The following GALNTL6 variants were observed in gnomAD, a reference collection of about 807,000 sequenced individuals.
GALNTL6 encodes polypeptide N-acetylgalactosaminyltransferase like 6, also known as polypeptide N-acetylgalactosaminyltransferase-like 6.
GALNTL6 carries 46 observed loss-of-function variants against 73.7 expected under a neutral mutation model. The ratio of observed to expected loss-of-function variants is 0.62; its 90% CI spans 0.49 to 0.80. The LOEUF (loss-of-function observed/expected upper bound fraction) is 0.80. Ranked by LOEUF, GALNTL6 falls within the 30% of genes least tolerant of loss-of-function variation. The probability of loss-of-function intolerance (pLI) is 0.00; values close to 1 mark genes in which losing one functional copy is unlikely to be tolerated. For missense variants in GALNTL6, 604 were observed against 755.0 expected, an observed-to-expected ratio of 0.80 and a Z score of 2.34; for synonymous variants, 259 against 263.7, an observed-to-expected ratio of 0.98 and a Z score of 0.17.
intron 11 of GALNTL6, 97 bp from the exon 12 acceptor site, chr4:173,021,376 CAGG>C (rs1752982838): frequency 8.3e-7 from 1 of 1,198,640 alleles, no homozygotes; most frequent in Non-Finnish European, 1.2e-6. Flanking sequence ...GATCACAAAG[CAGG>C]AGTTCTACAT....
chr4:171,940,076 A>G (rs990722020), intron 2 of GALNTL6, among the ~76,000 whole-genome samples: 4 of 152,116 alleles, frequency 2.6e-5, no homozygotes, highest in African/African-American at 9.7e-5. Flanking sequence ...TTCTTCCTCT[A>G]TAAAATAGAG....
chr4:172,922,029 G>A (rs1747821081), intron 8 of GALNTL6, among the ~76,000 whole-genome samples: 1 of 152,130 alleles, frequency 6.6e-6, no homozygotes, highest in Non-Finnish European at 1.5e-5. Flanking sequence ...CCCAGGGGGA[G>A]GTAATTGAAT....
At chr4:172,813,051 C>T (rs937941664) in intron 6 of GALNTL6, among the ~76,000 whole-genome samples, 3 of 152,096 alleles carry the variant, frequency 2.0e-5, no homozygotes, top group Non-Finnish European at 4.4e-5. Flanking sequence ...TATGATCTGT[C>T]AGCATTTATA....
chr4:172,866,208 A>T (rs1397825464), intron 7 of GALNTL6, among the ~76,000 whole-genome samples: 1 of 152,160 alleles, frequency 6.6e-6, no homozygotes, highest in East Asian at 1.9e-4. Context: ...CTAAAATAGA[A>T]ATCTGATTAT....
chr4:172,878,451 G>A (rs1382462914), intron 7 of GALNTL6, among the ~76,000 whole-genome samples: 1 of 151,766 alleles, frequency 6.6e-6, no homozygotes, highest in East Asian at 1.9e-4. Context: ...TTTAAAACGT[G>A]TAAAAGTAAA....
intron 10 of GALNTL6, among the ~76,000 whole-genome samples, chr4:172,998,075 G>C (rs189076375): frequency 6.6e-6 from 1 of 152,194 alleles, no homozygotes; most frequent in Non-Finnish European, 1.5e-5. Flanking sequence ...CCCAGGGCAA[G>C]AGAGAGATGC....
At chr4:172,982,972 A>G (rs1437363016) in intron 10 of GALNTL6, among the ~76,000 whole-genome samples, 1 of 152,120 alleles carries the variant, frequency 6.6e-6, no homozygotes. Flanking sequence ...TAGACAATGG[A>G]GACTCAGAAG....
chr4:172,708,657 A>G (rs1210851204), intron 5 of GALNTL6, among the ~76,000 whole-genome samples: 1 of 152,220 alleles, frequency 6.6e-6, no homozygotes, highest in East Asian at 1.9e-4. Context: ...TGTCCCCTAC[A>G]TGGTGAGCCC....
At chr4:172,564,803 T>A (rs1365843872) in intron 5 of GALNTL6, among the ~76,000 whole-genome samples, 4 of 152,234 alleles carry the variant, frequency 2.6e-5, no homozygotes, top group African/African-American at 7.2e-5. Context: ...ATTGAGAACA[T>A]CCTCAGCTTT....
rs865966479 is a variant in GALNTL6 at position 172,981,815 on chromosome 4, T to C, written c.1372-27363T>C. Among the ~76,000 whole-genome samples the C allele has an allele frequency of 3.8e-3, 568 of 150,174 alleles. 2 individuals carry two copies. The highest frequency in any genetic ancestry group is 0.013 in the African/African-American group (540 of 40,862). On this transcript the variant is annotated intron_variant, in intron 10 of 12. Transcript: ENST00000506823. ...GAACGTCTTTTTTTTTTTTTTTTTT[T>C]TTTTTAGATGGAGTTTCGCTCTTGT...
At chr4:172,825,869 A>T (rs573717965) in intron 7 of GALNTL6, among the ~76,000 whole-genome samples, 2 of 152,248 alleles carry the variant, frequency 1.3e-5, no homozygotes, top group African/African-American at 4.8e-5. Flanking sequence ...CCATTCCACC[A>T]ATTTAAAGTT....
At chr4:172,597,904 C>A (rs987044900) in intron 5 of GALNTL6, among the ~76,000 whole-genome samples, 1 of 151,568 alleles carries the variant, frequency 6.6e-6, no homozygotes, top group Admixed American at 6.6e-5. Context: ...AGTTTGAATG[C>A]TTCTGCCTTT....
At chr4:172,936,414 G>A (rs1748622082) in intron 9 of GALNTL6, among the ~76,000 whole-genome samples, 1 of 152,170 alleles carries the variant, frequency 6.6e-6, no homozygotes, top group Non-Finnish European at 1.5e-5. Flanking sequence ...AGTATTGGAA[G>A]CTCTGGCCAG....
intron 9 of GALNTL6, among the ~76,000 whole-genome samples, chr4:172,943,236 C>T (rs1440908181): frequency 1.3e-5 from 2 of 151,956 alleles, no homozygotes; most frequent in African/African-American, 2.4e-5. Context: ...TGGCCCATGT[C>T]GCAGAAAGCA....
chr4:171,958,135 C>A (rs1739112461), intron 2 of GALNTL6, among the ~76,000 whole-genome samples: 2 of 152,146 alleles, frequency 1.3e-5, no homozygotes, highest in Admixed American at 1.3e-4. Context: ...TTTACCTCTT[C>A]CTAGTGATTA....
At chr4:172,207,217 A>T (rs1736167341) in intron 2 of GALNTL6, among the ~76,000 whole-genome samples, 1 of 152,182 alleles carries the variant, frequency 6.6e-6, no homozygotes, top group South Asian at 2.1e-4. Context: ...CTTGGATTTT[A>T]TTCTAATTAT....
chr4:172,764,204 C>T (rs1312862789), intron 5 of GALNTL6, among the ~76,000 whole-genome samples: 1 of 152,180 alleles, frequency 6.6e-6, no homozygotes, highest in African/African-American at 2.4e-5. Context: ...ATGGTCCGCC[C>T]GCCTTCGTCT....
chr4:172,401,907 G>A (rs1197841434), intron 5 of GALNTL6, among the ~76,000 whole-genome samples: 1 of 143,266 alleles, frequency 7.0e-6, no homozygotes, highest in Non-Finnish European at 1.5e-5. Context: ...GAGGAAGAGA[G>A]AGAGAGAGAG....
intron 2 of GALNTL6, among the ~76,000 whole-genome samples, chr4:172,059,320 C>T (rs1036293967): frequency 2.0e-5 from 3 of 152,096 alleles, no homozygotes; most frequent in Admixed American, 1.3e-4. Context: ...GGGTGAGGTC[C>T]CAGATTTTCA....
Sources: allele counts gnomAD v4.1 joint callset (sites outside exome capture counted in the v4.1 genomes callset), GRCh38; gene constraint gnomAD v4.1.1; transcripts MANE v1.5; gene names NCBI Gene and HGNC (gene_info 2026-07-23, HGNC 2026-07-21).